Variants in ADAM10 observed in about 807,000 individuals in gnomAD.
ADAM10 encodes ADAM metallopeptidase domain 10, also known as disintegrin and metalloproteinase domain-containing protein 10.
Under a neutral mutation model 90.1 loss-of-function variants are expected in ADAM10, and 17 were observed. The ratio of observed to expected loss-of-function variants is 0.19; its 90% CI spans 0.13 to 0.28. The LOEUF is 0.28. Among genes scored for constraint, ADAM10 ranks in the 10% least tolerant of loss-of-function variants. ADAM10 has a pLI of 1.00. For missense variants in ADAM10, 610 were observed against 914.3 expected (o/e 0.67, Z 4.29); for synonymous variants, 310 against 298.6 (o/e 1.04, Z -0.40).
Position 58,640,675 on chromosome 15 carries a change from T to C in ADAM10, c.1012+102A>G, listed in dbSNP as rs1210452935. 1.2e-5 allele frequency: 13 copies of C among 1,106,732 alleles called. No individual in the cohort carries two copies. In the East Asian group the frequency reaches 2.8e-4, roughly 24 times the overall value. The allele number at this position is 1,106,732 out of a possible 1,614,324, so 68.6% of individuals were successfully genotyped here. On this transcript the variant is annotated intron_variant, in intron 8 of 15. Coordinates refer to ENST00000260408, the MANE Select transcript of ADAM10 (RefSeq NM_001110.4). ...TCAAGTAGCATAAATTAGGATATTATACAGGCATCACTTTCTCCTATACTT... is the reference window on the plus strand; with the variant it reads ...TCAAGTAGCATAAATTAGGATATTACACAGGCATCACTTTCTCCTATACTT...
Position 58,595,293 on chromosome 15 carries a change from A to C in ADAM10, c.*2254T>G, listed in dbSNP as rs956889538. The C allele has an allele frequency of 6.6e-6, 1 of 152,172 alleles. No individual in the cohort carries two copies. The highest frequency in any genetic ancestry group is 1.5e-5 in the Non-Finnish European group (1 of 67,994). 9.4% of individuals were successfully genotyped at this position (152,172 alleles called of 1,614,324 possible). A position where few individuals can be genotyped will look rare whatever the true frequency, so the allele number is the denominator to read the frequency against. On this transcript the variant is annotated 3_prime_UTR_variant, in exon 16 of 16. Transcript: ENST00000260408. ...ATTCCAAAGTATTAAGAATAAAGAT[A>C]ATCTATACTTTTGTAGGAAGAGACA...
intron 8 of ADAM10, among the ~76,000 whole-genome samples, chr15:58,634,881 G>T (rs570195497): frequency 6.6e-6 from 1 of 152,178 alleles, no homozygotes; most frequent in South Asian, 2.1e-4. Context: ...AACAAGTCTA[G>T]TATTTAGAAT....
At chr15:58,627,518 T>C (rs1895982444) in intron 10 of ADAM10, among the ~76,000 whole-genome samples, 182 bp downstream of exon 10, 1 of 152,076 alleles carries the variant, frequency 6.6e-6, no homozygotes, top group African/African-American at 2.4e-5. Flanking sequence ...TACTTTAAAT[T>C]GCAATAAAAC....
At chr15:58,685,109 A>G (rs2140759780) in intron 2 of ADAM10, among the ~76,000 whole-genome samples, 1 of 151,692 alleles carries the variant, frequency 6.6e-6, no homozygotes, top group Middle Eastern at 3.4e-3. Flanking sequence ...TGAAAAAAAT[A>G]TATAAAATAT....
At chr15:58,666,613 A>G (rs942148748) in intron 4 of ADAM10, among the ~76,000 whole-genome samples, 1 of 152,048 alleles carries the variant, frequency 6.6e-6, no homozygotes, top group Admixed American at 6.6e-5. Context: ...GTGACCTTTA[A>G]AATCTTTCGT....
intron 6 of ADAM10, among the ~76,000 whole-genome samples, chr15:58,644,847 C>G (rs1333714777): frequency 3.3e-5 from 5 of 152,128 alleles, no homozygotes; most frequent in Non-Finnish European, 7.4e-5. Context: ...TTTACAGAGG[C>G]TTACTTTAGT....
chr15:58,603,398 G>A lies in ADAM10; in HGVS notation c.2026-3674C>T, dbSNP rs370412153. ...CCCTTCAGTTACTCTGACAACAACC[G>A]TACATTTCCAAACACCTGCTGGGGA... On this transcript the variant is annotated intron_variant, in intron 14 of 15. Transcript: ENST00000260408. 9.6e-4 allele frequency among the ~76,000 whole-genome samples: 146 copies of A among 152,196 alleles called. No individual in the cohort carries two copies. The South Asian group carries it at 0.015, about 16-fold the overall frequency.
chr15:58,718,514 C>T (rs1167202133), intron 1 of ADAM10, among the ~76,000 whole-genome samples: 1 of 152,008 alleles, frequency 6.6e-6, no homozygotes, highest in Non-Finnish European at 1.5e-5. Context: ...TTCTTCAATT[C>T]TCTGGACAAA....
chr15:58,637,874 A>G (rs779401590), intron 8 of ADAM10, among the ~76,000 whole-genome samples: 49 of 152,218 alleles, frequency 3.2e-4, no homozygotes, highest in Admixed American at 3.9e-4. Flanking sequence ...AAGGGAGACA[A>G]TAATACCTAC....
rs575323108 is a variant in ADAM10 at position 58,668,890 on chromosome 15, C to A, written c.485-3693G>T. Among the ~76,000 whole-genome samples the A allele has an allele frequency of 5.9e-5, 9 of 152,248 alleles. No homozygotes were observed. The South Asian group carries it at 1.9e-3, about 32-fold the overall frequency. ...ACCTATAAACTGCTGGCTCCCATAACCTCCTTTTAGCCTTCATTCCACCTA... is the reference window on the plus strand; with the variant it reads ...ACCTATAAACTGCTGGCTCCCATAAACTCCTTTTAGCCTTCATTCCACCTA... On this transcript the variant is annotated intron_variant, in intron 4 of 15. Coordinates refer to ENST00000260408, the MANE Select transcript of ADAM10 (RefSeq NM_001110.4).
chr15:58,736,935 TA>T (rs1371772297), intron 1 of ADAM10, among the ~76,000 whole-genome samples: 1 of 151,928 alleles, frequency 6.6e-6, no homozygotes, highest in East Asian at 1.9e-4. Flanking sequence ...GGCAACACAG[TA>T]ACACCCCATC....
At chr15:58,619,882 C>T (rs1202514950) in intron 11 of ADAM10, among the ~76,000 whole-genome samples, 4 of 150,000 alleles carry the variant, frequency 2.7e-5, no homozygotes, top group South Asian at 4.2e-4. Context: ...CCAGCCTGGG[C>T]GACAGTGCAA....
chr15:58,705,620 C>T (rs907732171), intron 2 of ADAM10, among the ~76,000 whole-genome samples: 1 of 152,180 alleles, frequency 6.6e-6, no homozygotes, highest in Non-Finnish European at 1.5e-5. Context: ...ACCAGAACCA[C>T]CTTTGGTGCA....
rs780219725 is a variant in ADAM10, at chr15:58,688,766, T to TTATATATATATATATA, written c.207-6468_207-6453dup. Among the ~76,000 whole-genome samples, 312 of 121,714 alleles carry TTATATATATATATATA rather than the reference T, an allele frequency of 2.6e-3. 1 individual carries two copies. The highest frequency in any genetic ancestry group is 0.014 in the East Asian group (54 of 3,848). 79.8% of individuals were successfully genotyped at this position (121,714 alleles called of 152,430 possible). Reference sequence around the variant, plus strand: ...ATAATTTCTAAAATGAAAAAAAAAATTATATATATATATATATATATCTCT... The same window carrying TTATATATATATATATA: ...ATAATTTCTAAAATGAAAAAAAAAATTATATATATATATATATATATATATATATATATATATCTCT... On this transcript the variant is annotated intron_variant, in intron 2 of 15. Coordinates refer to ENST00000260408, the MANE Select transcript of ADAM10 (RefSeq NM_001110.4).
intron 14 of ADAM10, among the ~76,000 whole-genome samples, chr15:58,601,371 G>GA (rs1405284948): frequency 5.9e-5 from 9 of 152,056 alleles, no homozygotes; most frequent in Non-Finnish European, 1.3e-4. Context: ...TGAGGGGGGA[G>GA]AATCGCTTGA....
chr15:58,625,721 T>C (rs2140663863), intron 10 of ADAM10, among the ~76,000 whole-genome samples: 1 of 152,344 alleles, frequency 6.6e-6, no homozygotes, highest in Middle Eastern at 3.4e-3. Context: ...TTACAGCTGC[T>C]TTATTCATAA....
chr15:58,682,079 T>C lies in ADAM10; in HGVS notation c.325+117A>G, dbSNP rs1897456897. 4 of 1,436,570 alleles carry C rather than the reference T, an allele frequency of 2.8e-6. No homozygotes were observed. The South Asian group carries it at 3.7e-5, about 13-fold the overall frequency. 89.0% of individuals were successfully genotyped at this position (1,436,570 alleles called of 1,614,324 possible). A position where few individuals can be genotyped will look rare whatever the true frequency, so the allele number is the denominator to read the frequency against. On this transcript the variant is annotated intron_variant, in intron 3 of 15. Transcript: ENST00000260408. ...CAAAGACCATTACCCTTCATATGAA[T>C]TCAACCTCCTCTGGATTTATAACCT... is the stretch of plus-strand genomic sequence containing the variant.
chr15:58,640,660 TA>T, intron 8 of ADAM10, 116 bp downstream of exon 8: 1 of 988,740 alleles, frequency 1.0e-6, no homozygotes, highest in Non-Finnish European at 1.5e-6. Context: ...TCAAGTAGCA[TA>T]AATTAGGATA....
In ADAM10 at chr15:58,594,339, T is replaced by C. The variant is rs561109055; in HGVS notation, c.*3208A>G. 3.3e-5 allele frequency: 5 copies of C among 152,334 alleles called. No homozygotes were observed. Among genetic ancestry groups the C allele is most frequent in the South Asian group, 2.1e-4 (1 of 4,830 alleles). The allele number at this position is 152,334 out of a possible 1,614,324, so 9.4% of individuals were successfully genotyped here. On this transcript the variant is annotated 3_prime_UTR_variant, in exon 16 of 16. Transcript: ENST00000260408. ...ATGCACAAGCCCCGAAATTTCATAG[T>C]TGCCAAGGACACCAATCCCATCTTT...
Sources: gnomAD v4.1 joint callset for allele counts (sites outside exome capture counted in the v4.1 genomes callset) on GRCh38, gnomAD v4.1.1 for gene constraint, MANE v1.5 for transcripts, NCBI Gene and HGNC (gene_info 2026-07-23, HGNC 2026-07-21) for gene names.